GRM5: variants seen among roughly 807,000 people sequenced by gnomAD.
GRM5 encodes the protein metabotropic glutamate receptor 5.
A neutral mutation model predicts 83.1 loss-of-function variants in GRM5; 19 were observed. The observed-to-expected ratio is 0.23, with a 90% CI of 0.16 to 0.34. The LOEUF is 0.34. Among genes scored for constraint, GRM5 ranks in the 10% least tolerant of loss-of-function variants. GRM5 has a pLI of 1.00. For synonymous variants in GRM5, 675 were observed against 633.6 expected (o/e 1.07, Z -0.98); for missense variants, 1,160 against 1,588.3 (o/e 0.73, Z 4.58).
At chr11:88,932,790 C>G (rs963381025) in intron 2 of GRM5, among the ~76,000 whole-genome samples, 1 of 151,838 alleles carries the variant, frequency 6.6e-6, no homozygotes, top group Non-Finnish European at 1.5e-5. Context: ...AAAATTCACT[C>G]TAGACAAAAC....
intron 3 of GRM5, among the ~76,000 whole-genome samples, chr11:88,773,374 G>A (rs957414709): frequency 3.3e-5 from 5 of 152,066 alleles, no homozygotes; most frequent in African/African-American, 7.2e-5. Context: ...TGGGTAGATT[G>A]CAAAAATTTT....
chr11:88,768,237 T>C (rs1219887523), intron 3 of GRM5, among the ~76,000 whole-genome samples: 2 of 151,996 alleles, frequency 1.3e-5, no homozygotes, highest in Non-Finnish European at 2.9e-5. Context: ...ACATAATATA[T>C]GCATACAATG....
At chr11:88,640,913 T>A (rs975747253) in intron 4 of GRM5, among the ~76,000 whole-genome samples, 1 of 152,156 alleles carries the variant, frequency 6.6e-6, no homozygotes, top group Non-Finnish European at 1.5e-5. Context: ...TAATTAGACA[T>A]GACTGACAAT....
At chr11:88,987,149 C>T (rs554806921) in intron 2 of GRM5, among the ~76,000 whole-genome samples, 16 of 151,802 alleles carry the variant, frequency 1.1e-4, no homozygotes, top group South Asian at 1.0e-3. Context: ...TCAGTGGGTG[C>T]GCGCACCGTG....
At chr11:88,525,681 T>C (rs1670308594) in intron 8 of GRM5, among the ~76,000 whole-genome samples, 1 of 152,228 alleles carries the variant, frequency 6.6e-6, no homozygotes, top group Admixed American at 6.5e-5. Flanking sequence ...TAATAGTCAA[T>C]GGTAAAGGTG....
At chr11:89,008,643 C>A (rs1219353307) in intron 2 of GRM5, among the ~76,000 whole-genome samples, 1 of 152,208 alleles carries the variant, frequency 6.6e-6, no homozygotes, top group African/African-American at 2.4e-5. Flanking sequence ...AGGTTAAGTT[C>A]TCCAGTATAA....
chr11:88,789,574 C>T (rs1019115410), intron 3 of GRM5, among the ~76,000 whole-genome samples: 13 of 151,978 alleles, frequency 8.6e-5, no homozygotes, highest in African/African-American at 3.1e-4. Flanking sequence ...TTCCTAAAAT[C>T]CTTTTATGAA....
intron 3 of GRM5, among the ~76,000 whole-genome samples, chr11:88,756,543 GA>G (rs887848459): frequency 1.3e-5 from 2 of 152,002 alleles, no homozygotes; most frequent in African/African-American, 4.8e-5. Context: ...AGTACTATAT[GA>G]TTTTTTGAGT....
intron 9 of GRM5, among the ~76,000 whole-genome samples, chr11:88,521,228 C>T (rs2135098652): frequency 6.6e-6 from 1 of 152,090 alleles, no homozygotes; most frequent in African/African-American, 2.4e-5. Flanking sequence ...CTAGCCTGGC[C>T]AACATAGTGA....
At chr11:88,633,201 G>C (rs1447559270) in intron 4 of GRM5, among the ~76,000 whole-genome samples, 1 of 152,054 alleles carries the variant, frequency 6.6e-6, no homozygotes, top group Non-Finnish European at 1.5e-5. Flanking sequence ...ATGACTAAAA[G>C]AAATGGCTTT....
chr11:88,661,886 C>T (rs1220579916), intron 3 of GRM5, among the ~76,000 whole-genome samples: 1 of 152,018 alleles, frequency 6.6e-6, no homozygotes, highest in Non-Finnish European at 1.5e-5. Context: ...CCAGCCAACA[C>T]TAATGAATTA....
rs73537533 is a variant in GRM5, at chr11:88,750,156, A to G, written c.912-96753T>C. ...ACACAGAATGAAAAGCTGGACGAAG[A>G]GCCAAGACCCATTGTAATGCTGTCT... is the stretch of plus-strand genomic sequence containing the variant. On this transcript the variant is annotated intron_variant, in intron 3 of 9. Coordinates refer to ENST00000305447, the MANE Select transcript of GRM5 (RefSeq NM_001143831.3). Among the ~76,000 whole-genome samples, 212 of 152,322 alleles carry G rather than the reference A, an allele frequency of 1.4e-3. 3 individuals carry two copies. Among genetic ancestry groups the G allele is most frequent in the African/African-American group, 4.9e-3 (204 of 41,584 alleles).
At chr11:88,990,539 G>C (rs1270683361) in intron 2 of GRM5, among the ~76,000 whole-genome samples, 7 of 151,238 alleles carry the variant, frequency 4.6e-5, no homozygotes, top group African/African-American at 1.5e-4. Flanking sequence ...TGATACCAAA[G>C]CCTGGCAGAG....
At chr11:88,570,717 C>T (rs1014470354) in intron 7 of GRM5, among the ~76,000 whole-genome samples, 4 of 149,966 alleles carry the variant, frequency 2.7e-5, no homozygotes, top group East Asian at 2.0e-4. Flanking sequence ...GCTGGGATTA[C>T]AGGCACTCCC....
chr11:89,032,221 G>C (rs960045756), intron 2 of GRM5, among the ~76,000 whole-genome samples: 1 of 151,998 alleles, frequency 6.6e-6, no homozygotes, highest in African/African-American at 2.4e-5. Flanking sequence ...TGATGAAGTT[G>C]AGATTTACAA....
chr11:89,051,417 A>C (rs1319028063), intron 1 of GRM5, among the ~76,000 whole-genome samples: 1 of 152,108 alleles, frequency 6.6e-6, no homozygotes, highest in Non-Finnish European at 1.5e-5. Context: ...TTATAAAAAA[A>C]ATTTAATGTT....
intron 3 of GRM5, among the ~76,000 whole-genome samples, chr11:88,742,684 CCTAT>C (rs1942053461): frequency 6.6e-6 from 1 of 152,098 alleles, no homozygotes; most frequent in Admixed American, 6.6e-5. Flanking sequence ...CTCTGGAACA[CCTAT>C]CTTAGTTTCT....
At chr11:88,579,433 A>G (rs184065682) in intron 7 of GRM5, among the ~76,000 whole-genome samples, 37 of 152,310 alleles carry the variant, frequency 2.4e-4, no homozygotes, top group Non-Finnish European at 3.5e-4. Flanking sequence ...ATAAAATAGT[A>G]TGAGGTGATA....
chr11:88,696,148 ACTCTT>A (rs1940896206), intron 3 of GRM5, among the ~76,000 whole-genome samples: 4 of 151,586 alleles, frequency 2.6e-5, no homozygotes, highest in Non-Finnish European at 5.9e-5. Context: ...GTGGGAAGGT[ACTCTT>A]CCCCTGGAGT....
Sources: gnomAD v4.1 joint callset for allele counts (sites outside exome capture counted in the v4.1 genomes callset) on GRCh38, gnomAD v4.1.1 for gene constraint, MANE v1.5 for transcripts, NCBI Gene and HGNC (gene_info 2026-07-23, HGNC 2026-07-21) for gene names.